STXBP5L: variants seen among roughly 807,000 people sequenced by gnomAD.
The protein encoded by STXBP5L is syntaxin-binding protein 5-like.
STXBP5L carries 65 observed loss-of-function variants against 144.5 expected under a neutral mutation model. The ratio of observed to expected loss-of-function variants is 0.45; its 90% CI spans 0.37 to 0.55. The LOEUF (loss-of-function observed/expected upper bound fraction) is 0.55, where lower values mean the gene tolerates loss of function less well. Among genes scored for constraint, STXBP5L ranks in the 20% least tolerant of loss-of-function variants. STXBP5L has a pLI of 0.00. For synonymous variants in STXBP5L, 505 were observed against 469.6 expected (o/e 1.08, Z -0.97); for missense variants, 1,298 against 1,405.5 (o/e 0.92, Z 1.22).
intron 3 of STXBP5L, among the ~76,000 whole-genome samples, chr3:120,973,892 T>A (rs1218520291): frequency 7.2e-5 from 11 of 152,334 alleles, no homozygotes; most frequent in African/African-American, 2.6e-4. Flanking sequence ...TATGGCTGCA[T>A]AGTATTCCAT....
chr3:120,971,362 CCTT>C (rs1204434632), intron 3 of STXBP5L, among the ~76,000 whole-genome samples: 1 of 149,332 alleles, frequency 6.7e-6, no homozygotes, highest in Non-Finnish European at 1.5e-5. Flanking sequence ...ACTATTTTAT[CCTT>C]CACCCGCACC....
intron 3 of STXBP5L, among the ~76,000 whole-genome samples, chr3:120,965,992 T>C (rs1010753977): frequency 1.3e-5 from 2 of 152,174 alleles, no homozygotes; most frequent in Non-Finnish European, 2.9e-5. Flanking sequence ...CTCTTTTTTT[T>C]CTCTAAACTT....
intron 4 of STXBP5L, among the ~76,000 whole-genome samples, chr3:121,043,553 A>C (rs904153595): frequency 6.6e-6 from 1 of 152,134 alleles, no homozygotes; most frequent in African/African-American, 2.4e-5. Flanking sequence ...TACTAAAATT[A>C]CAAAAATTAG....
rs140172152 is a variant in STXBP5L, at chr3:121,207,401, C to A, written c.956+1400C>A. Among the ~76,000 whole-genome samples the A allele has an allele frequency of 1.4e-3, 217 of 152,270 alleles. 1 individual carries two copies. The highest frequency in any genetic ancestry group is 0.013 in the South Asian group (63 of 4,826). ...ACCCTAGAAGAAAACCTAGGCGATACCATGTAGGACATAGACGTGGGCAAG... is the reference window on the plus strand; with the variant it reads ...ACCCTAGAAGAAAACCTAGGCGATAACATGTAGGACATAGACGTGGGCAAG... On this transcript the variant is annotated intron_variant, in intron 10 of 26. Coordinates refer to ENST00000471454, the MANE Select transcript of STXBP5L (RefSeq NM_001308330.2).
At chr3:121,389,127 A>C (rs1321737219) in intron 22 of STXBP5L, among the ~76,000 whole-genome samples, 1 of 152,130 alleles carries the variant, frequency 6.6e-6, no homozygotes, top group Non-Finnish European at 1.5e-5. Flanking sequence ...GGGAGGGTGT[A>C]TGTGTCCAGG....
intron 7 of STXBP5L, among the ~76,000 whole-genome samples, chr3:121,123,892 G>A (rs1210437536): frequency 6.6e-6 from 1 of 151,532 alleles, no homozygotes; most frequent in East Asian, 1.9e-4. Flanking sequence ...AGTTTTATCA[G>A]TCTTTTCATG....
intron 3 of STXBP5L, among the ~76,000 whole-genome samples, chr3:120,980,781 G>C (rs1205622331): frequency 6.6e-6 from 1 of 152,064 alleles, no homozygotes; most frequent in Non-Finnish European, 1.5e-5. Context: ...AATCTTGGTT[G>C]TGTAATTGTT....
At chr3:121,009,028 G>A (rs1291265871) in intron 3 of STXBP5L, among the ~76,000 whole-genome samples, 3 of 151,808 alleles carry the variant, frequency 2.0e-5, no homozygotes, top group African/African-American at 7.3e-5. Flanking sequence ...ATATGCAGTA[G>A]AGACAGTGAG....
intron 5 of STXBP5L, among the ~76,000 whole-genome samples, chr3:121,107,749 A>T (rs1178419063): frequency 6.6e-6 from 1 of 152,080 alleles, no homozygotes; most frequent in Non-Finnish European, 1.5e-5. Flanking sequence ...TTCTGTGAAG[A>T]ATGTTAGTGG....
At chr3:121,127,545 T>C (rs1375656905) in intron 7 of STXBP5L, among the ~76,000 whole-genome samples, 2 of 151,710 alleles carry the variant, frequency 1.3e-5, no homozygotes, top group African/African-American at 4.8e-5. Context: ...ATCTTCTCTA[T>C]GTCTTCTCCT....
At chr3:120,976,566 T>A (rs1941049567) in intron 3 of STXBP5L, among the ~76,000 whole-genome samples, 1 of 152,160 alleles carries the variant, frequency 6.6e-6, no homozygotes, top group Admixed American at 6.5e-5. Flanking sequence ...CTGATTTTAG[T>A]TATTTCTTGC....
At chr3:121,069,268 G>A (rs1299908502) in intron 5 of STXBP5L, among the ~76,000 whole-genome samples, 1 of 152,116 alleles carries the variant, frequency 6.6e-6, no homozygotes, top group East Asian at 1.9e-4. Context: ...AACTTTTTGG[G>A]ATTGTATTTT....
chr3:121,007,134 A>C (rs531590117), intron 3 of STXBP5L, among the ~76,000 whole-genome samples: 2 of 152,068 alleles, frequency 1.3e-5, no homozygotes, highest in East Asian at 3.9e-4. Flanking sequence ...GCTTTTTAAA[A>C]GTTATTGAAA....
chr3:121,053,698 G>A (rs961467505), intron 5 of STXBP5L, among the ~76,000 whole-genome samples: 5 of 152,048 alleles, frequency 3.3e-5, no homozygotes, highest in Admixed American at 2.6e-4. Flanking sequence ...CATGTCTAAA[G>A]CACCAAAAGC....
intron 22 of STXBP5L, among the ~76,000 whole-genome samples, chr3:121,389,060 A>G (rs1329948051): frequency 6.6e-6 from 1 of 152,190 alleles, no homozygotes; most frequent in East Asian, 1.9e-4. Context: ...TATTGCCTCA[A>G]TCTCAGAGCC....
At chr3:121,141,275 T>A (rs2107940285) in intron 7 of STXBP5L, among the ~76,000 whole-genome samples, 1 of 152,128 alleles carries the variant, frequency 6.6e-6, no homozygotes, top group African/African-American at 2.4e-5. Context: ...TGGTTGCACA[T>A]GCCTGTAATC....
chr3:121,396,519 A>G (rs2046733690), intron 22 of STXBP5L, among the ~76,000 whole-genome samples: 1 of 152,224 alleles, frequency 6.6e-6, no homozygotes, highest in Non-Finnish European at 1.5e-5. Flanking sequence ...ATACATGTGC[A>G]TATGCTAGTC....
intron 5 of STXBP5L, among the ~76,000 whole-genome samples, chr3:121,089,738 A>G (rs938329910): frequency 1.3e-5 from 2 of 151,920 alleles, no homozygotes; most frequent in South Asian, 2.1e-4. Context: ...GTTTTGTCCC[A>G]TAGGTTTCTG....
intron 18 of STXBP5L, among the ~76,000 whole-genome samples, chr3:121,272,081 G>A (rs867288093): frequency 2.6e-4 from 39 of 152,322 alleles, no homozygotes; most frequent in Middle Eastern, 3.4e-3. Flanking sequence ...ATGTGCTGGA[G>A]AAGAATGTGT....
Sources: allele counts gnomAD v4.1 joint callset (sites outside exome capture counted in the v4.1 genomes callset), GRCh38; gene constraint gnomAD v4.1.1; transcripts MANE v1.5; gene names NCBI Gene and HGNC (gene_info 2026-07-23, HGNC 2026-07-21).